The following ZNF75D variants were observed in gnomAD, a reference collection of about 807,000 sequenced individuals.
ZNF75D encodes the protein zinc finger protein 75.
A neutral mutation model predicts 33.3 loss-of-function variants in ZNF75D; 33 were observed. The observed-to-expected ratio is 0.99, with a 90% confidence interval of 0.75 to 1.32. The LOEUF (loss-of-function observed/expected upper bound fraction) is 1.32. ZNF75D is among the 40% of genes most tolerant of loss of function. The pLI is 0.00. For synonymous variants in ZNF75D, 113 were observed against 130.6 expected, an observed-to-expected ratio of 0.87 and a Z score of 0.92; for missense variants, 338 against 367.5, an observed-to-expected ratio of 0.92 and a Z score of 0.66.
chrX:135,262,771 C>T (rs1556415762), intron 1 of ZNF75D, among the ~76,000 whole-genome samples: 1 of 112,239 alleles, frequency 8.9e-6, no homozygotes, highest in African/African-American at 3.2e-5. Context: ...TTTGTTATTA[C>T]TGACCTTCCC....
chrX:135,257,271 C>A (rs1267831440), intron 1 of ZNF75D, among the ~76,000 whole-genome samples: 1 of 112,297 alleles, frequency 8.9e-6, no homozygotes, highest in Non-Finnish European at 1.9e-5. Context: ...CCGCCCTGGG[C>A]CATACGGGAG....
chrX:135,295,722 G>A (rs948761440), intron 2 of ZNF75D, 46 bp downstream of exon 2: 3 of 112,041 alleles, frequency 2.7e-5, no homozygotes, highest in African/African-American at 9.7e-5. Flanking sequence ...TATTTCTCAG[G>A]GGATCGCTAA....
intron 1 of ZNF75D, among the ~76,000 whole-genome samples, chrX:135,337,968 G>A (rs1257268358): frequency 9.0e-6 from 1 of 110,615 alleles, no homozygotes; most frequent in African/African-American, 3.3e-5. Context: ...TGAGGATTTT[G>A]GGGGTTGAGA....
chrX:135,317,706 T>A (rs1164403661), intron 1 of ZNF75D, among the ~76,000 whole-genome samples: 2 of 110,928 alleles, frequency 1.8e-5, no homozygotes, highest in East Asian at 5.7e-4. Context: ...GGAGGAGTAT[T>A]CAGGTGCCAA....
intron 6 of ZNF75D, among the ~76,000 whole-genome samples, chrX:135,290,611 C>T (rs2084024015): frequency 8.9e-6 from 1 of 112,410 alleles, no homozygotes; most frequent in Non-Finnish European, 1.9e-5. Context: ...AACTAAGAGC[C>T]ATATGCCTAC....
intron 1 of ZNF75D, among the ~76,000 whole-genome samples, chrX:135,259,148 G>T (rs991931936): frequency 9.0e-6 from 1 of 111,417 alleles, no homozygotes; most frequent in African/African-American, 3.3e-5. Flanking sequence ...TGTTCCATTG[G>T]TCTATATCTC....
intron 1 of ZNF75D, among the ~76,000 whole-genome samples, chrX:135,269,923 G>A (rs1351592839): frequency 1.8e-5 from 2 of 111,709 alleles, no homozygotes; most frequent in African/African-American, 6.5e-5. Flanking sequence ...TAAAAAGAAT[G>A]AGATTCTTTC....
rs199856166 is a variant in ZNF75D, at chrX:135,280,020, T to TC, written n.828-24244dup. On this transcript the variant is annotated intron_variant and non_coding_transcript_variant, in intron 1 of 3. Transcript: ENST00000494295. ...AGGTCTGCTTGGTCCAGAGCTGAGTTCAAGTCCTGAATATGCTTGTTAATT... is the reference window on the plus strand; with the variant it reads ...AGGTCTGCTTGGTCCAGAGCTGAGTTCCAAGTCCTGAATATGCTTGTTAATT... 0.01 allele frequency among the ~76,000 whole-genome samples: 1,157 copies of TC among 111,579 alleles called. 38 individuals carry two copies. The East Asian group carries it at 0.14, about 14-fold the overall frequency.
chrX:135,280,805 G>T (rs2083917349), downstream of ZNF75D, among the ~76,000 whole-genome samples: 1 of 111,773 alleles, frequency 8.9e-6, no homozygotes, highest in Non-Finnish European at 1.9e-5. Flanking sequence ...TAAGAATGTT[G>T]AATATTGGCC....
intron 1 of ZNF75D, among the ~76,000 whole-genome samples, chrX:135,278,902 T>C (rs1466471126): frequency 4.5e-5 from 5 of 111,956 alleles, no homozygotes; most frequent in East Asian, 2.8e-4. Context: ...AGTATTTTAT[T>C]GAGGATTTTT....
At chrX:135,279,383 C>CT (rs782230301) in intron 1 of ZNF75D, among the ~76,000 whole-genome samples, 10 of 111,312 alleles carry the variant, frequency 9.0e-5, no homozygotes, top group Non-Finnish European at 1.7e-4. Context: ...CTCTCTTCTT[C>CT]TTTATCAGTC....
chrX:135,258,856 T>G (rs1556414985), intron 1 of ZNF75D, among the ~76,000 whole-genome samples: 1 of 112,320 alleles, frequency 8.9e-6, no homozygotes, highest in Admixed American at 9.4e-5. Flanking sequence ...GTTTTAGTCA[T>G]GAAGTCCTTG....
downstream of ZNF75D, chrX:135,285,706 T>C (rs1556419199): frequency 8.9e-6 from 1 of 111,852 alleles, no homozygotes; most frequent in Non-Finnish European, 1.9e-5. Context: ...TTTATAAATT[T>C]GGAAACAGGC....
chrX:135,317,324 C>T (rs2084433471), intron 1 of ZNF75D, among the ~76,000 whole-genome samples: 1 of 111,585 alleles, frequency 9.0e-6, no homozygotes, highest in African/African-American at 3.3e-5. Flanking sequence ...GACTGGTACA[C>T]CAAGTATGCC....
chrX:135,267,628 G>T (rs966042904), intron 1 of ZNF75D, among the ~76,000 whole-genome samples: 7 of 111,120 alleles, frequency 6.3e-5, no homozygotes, highest in African/African-American at 2.3e-4. Context: ...CAGGAAAAGT[G>T]TCCCAGCAAA....
chrX:135,301,069 A>C (rs1475066038), intron 1 of ZNF75D, among the ~76,000 whole-genome samples: 1 of 112,198 alleles, frequency 8.9e-6, no homozygotes, highest in Non-Finnish European at 1.9e-5. Context: ...GAAACTTACC[A>C]TCATGACAGA....
chrX:135,287,904 A>G lies in ZNF75D; in HGVS notation c.824-58T>C, dbSNP rs1348626950. On this transcript the variant is annotated intron_variant, in intron 6 of 6. Coordinates refer to ENST00000370766, the MANE Select transcript of ZNF75D (RefSeq NM_007131.5). ...TGTCCCAGTGAAAGAAAGCTACATA[A>G]ATGGAGAGAAAAGTCAATGATGATT... 3.3e-6 allele frequency: 3 copies of G among 911,839 alleles called. No homozygotes were observed. The East Asian group carries it at 9.3e-5, about 28-fold the overall frequency. 75.1% of individuals were successfully genotyped at this position (911,839 alleles called of 1,213,427 possible).
At chrX:135,338,768 G>C (rs1240399357) in intron 1 of ZNF75D, among the ~76,000 whole-genome samples, 1 of 111,225 alleles carries the variant, frequency 9.0e-6, no homozygotes, top group Non-Finnish European at 1.9e-5. Context: ...GCAATTAATT[G>C]CTTATTTTGT....
At chrX:135,317,916 T>C (rs1477803386) in intron 1 of ZNF75D, among the ~76,000 whole-genome samples, 1 of 109,341 alleles carries the variant, frequency 9.1e-6, no homozygotes, top group Non-Finnish European at 1.9e-5. Context: ...AGTAACAGCA[T>C]AGCTGCTACT....
Sources: gnomAD v4.1 joint callset for allele counts (sites outside exome capture counted in the v4.1 genomes callset) on GRCh38, gnomAD v4.1.1 for gene constraint, MANE v1.5 for transcripts, NCBI Gene and HGNC (gene_info 2026-07-23, HGNC 2026-07-21) for gene names.